The following PDS5A variants were observed in gnomAD, a reference collection of about 807,000 sequenced individuals.
PDS5A encodes the protein PDS5 cohesin associated factor A.
In PDS5A, 42 loss-of-function variants were observed where a neutral mutation model predicts 167.1. That is an observed-to-expected ratio of 0.25 (90% CI 0.20 to 0.33). The LOEUF is 0.33. Among genes scored for constraint, PDS5A ranks in the 10% least tolerant of loss-of-function variants. The pLI, the probability that PDS5A is intolerant of heterozygous loss-of-function variation, is 1.00. For synonymous variants in PDS5A, 553 were observed against 554.6 expected (o/e 1.00, Z 0.04); for missense variants, 1,033 against 1,605.9 (o/e 0.64, Z 6.10).
At chr4:39,920,257 T>C (rs925803337) in intron 7 of PDS5A, 62 bp downstream of exon 7, 4 of 722,122 alleles carry the variant, frequency 5.5e-6, no homozygotes, top group East Asian at 2.9e-5. Flanking sequence ...GAGGTTCTAA[T>C]AAATTAATAC....
intron 30 of PDS5A, among the ~76,000 whole-genome samples, chr4:39,842,939 T>TA (rs1560419736): frequency 3.1e-5 from 1 of 31,826 alleles, no homozygotes. Flanking sequence ...ATATATATAT[T>TA]TTAAGAGACA....
chr4:39,898,848 A>G (rs1560465155), intron 14 of PDS5A, 23 bp from the exon 15 acceptor site: 1 of 1,532,090 alleles, frequency 6.5e-7, no homozygotes, highest in Non-Finnish European at 8.9e-7. Context: ...ACAGAAACAA[A>G]AGAACAACTA....
At chr4:39,968,651 C>T (rs1443464256) in intron 2 of PDS5A, among the ~76,000 whole-genome samples, 4 of 148,592 alleles carry the variant, frequency 2.7e-5, no homozygotes, top group East Asian at 2.0e-4. Context: ...AGGCTGGTCT[C>T]GAACTCCCGA....
At chr4:39,825,731 GCTAGAA>G (rs1354756263) in intron 32 of PDS5A, among the ~76,000 whole-genome samples, 4 of 151,992 alleles carry the variant, frequency 2.6e-5, no homozygotes, top group Non-Finnish European at 1.5e-5. Flanking sequence ...CTCCCAAATA[GCTAGAA>G]CTATAGGCGC....
At chr4:39,939,153 T>C (rs182516564) in intron 2 of PDS5A, among the ~76,000 whole-genome samples, 2 of 152,188 alleles carry the variant, frequency 1.3e-5, no homozygotes, top group Non-Finnish European at 2.9e-5. Flanking sequence ...GGCTTGAGCC[T>C]AGATCAAGGC....
At position 39,895,288 on chromosome 4, in the gene PDS5A, G is replaced by T. The variant is rs752794164; in HGVS notation, c.1770+3101C>A. 2.6e-5 allele frequency among the ~76,000 whole-genome samples: 4 copies of T among 151,594 alleles called. No homozygotes were observed. The East Asian group carries it at 7.7e-4, about 29-fold the overall frequency. Reference sequence around the variant, plus strand: ...AGAGTGCACGCACACAAACCTAAATGGTATAGCGTACTACTTCTATGCTAC... The same window carrying T: ...AGAGTGCACGCACACAAACCTAAATTGTATAGCGTACTACTTCTATGCTAC... On this transcript the variant is annotated intron_variant, in intron 16 of 32. Transcript: ENST00000303538.
At chr4:39,905,519 C>T (rs146590674) in intron 11 of PDS5A, among the ~76,000 whole-genome samples, 2,557 of 152,228 alleles carry the variant, frequency 0.017, 76 homozygotes, top group African/African-American at 0.058. Context: ...GATTGCGCCA[C>T]TGCACTCCAG....
At chr4:39,934,644 A>G (rs1256636192) in intron 2 of PDS5A, among the ~76,000 whole-genome samples, 1 of 147,022 alleles carries the variant, frequency 6.8e-6, no homozygotes, top group Admixed American at 6.8e-5. Context: ...AGAAATGAGC[A>G]GGAAAAAATC....
chr4:39,899,849 A>AT (rs1198942199), intron 14 of PDS5A, among the ~76,000 whole-genome samples: 25 of 99,928 alleles, frequency 2.5e-4, no homozygotes, highest in African/African-American at 7.7e-4. Flanking sequence ...GATCCTGTGT[A>AT]TTAAAAAAAA....
chr4:39,911,835 T>TAAA (rs35068853), intron 9 of PDS5A, among the ~76,000 whole-genome samples: 1 of 125,290 alleles, frequency 8.0e-6, no homozygotes. Context: ...CCGTCTCAAT[T>TAAA]AAAAAAAAAA....
At chr4:39,965,968 T>A (rs1473669893) in intron 2 of PDS5A, among the ~76,000 whole-genome samples, 1 of 152,162 alleles carries the variant, frequency 6.6e-6, no homozygotes, top group Non-Finnish European at 1.5e-5. Context: ...ATAATGAAAA[T>A]TTTAAAATAC....
chr4:39,934,632 T>A (rs1242697189), intron 2 of PDS5A, among the ~76,000 whole-genome samples: 1 of 145,942 alleles, frequency 6.9e-6, no homozygotes, highest in Non-Finnish European at 1.5e-5. Context: ...TTTTTTTTTT[T>A]AAGAAATGAG....
chr4:39,914,244 C>G (rs1363188124), intron 8 of PDS5A, among the ~76,000 whole-genome samples: 1 of 150,496 alleles, frequency 6.6e-6, no homozygotes, highest in Admixed American at 6.7e-5. Context: ...TCACTGCAAC[C>G]TCTGCCTCCC....
Position 39,849,661 on chromosome 4 carries a change from A to G in PDS5A, c.3087-9T>C. On this transcript the variant is annotated splice_polypyrimidine_tract_variant and intron_variant, in intron 26 of 32. Coordinates refer to ENST00000303538, the MANE Select transcript of PDS5A (RefSeq NM_001100399.2). Reference sequence around the variant, plus strand: ...GCATGAACCATAGGCACCTAAATGTAAACATATTAAAGAGACTAGACGTAG... The same window carrying G: ...GCATGAACCATAGGCACCTAAATGTGAACATATTAAAGAGACTAGACGTAG... The G allele has an allele frequency of 6.2e-7, 1 of 1,600,084 alleles. No individual in the cohort carries two copies. Among genetic ancestry groups the G allele is most frequent in the Non-Finnish European group, 8.6e-7 (1 of 1,168,394 alleles).
intron 20 of PDS5A, among the ~76,000 whole-genome samples, chr4:39,873,719 A>G (rs917950378): frequency 3.9e-5 from 6 of 152,230 alleles, no homozygotes; most frequent in African/African-American, 1.4e-4. Flanking sequence ...CACTGAACCA[A>G]TAAGGCTAAA....
chr4:39,944,373 T>C (rs1166655904), intron 2 of PDS5A, among the ~76,000 whole-genome samples: 1 of 151,714 alleles, frequency 6.6e-6, no homozygotes, highest in African/African-American at 2.4e-5. Flanking sequence ...ATTCATAAGG[T>C]CCTAAAACAT....
At chr4:39,937,365 A>G (rs1578780997) in intron 2 of PDS5A, among the ~76,000 whole-genome samples, 2 of 152,258 alleles carry the variant, frequency 1.3e-5, no homozygotes, top group Middle Eastern at 6.8e-3. Flanking sequence ...ATATGTCCAA[A>G]TTATTGTTCA....
intron 2 of PDS5A, among the ~76,000 whole-genome samples, chr4:39,930,531 T>C (rs1725965975): frequency 6.6e-6 from 1 of 152,122 alleles, no homozygotes; most frequent in Non-Finnish European, 1.5e-5. Flanking sequence ...CAAGTTTGCA[T>C]TGCTAAAATA....
In PDS5A at chr4:39,851,484, T is replaced by G. The variant is rs1266885850; in HGVS notation, c.3087-1832A>C. On this transcript the variant is annotated intron_variant, in intron 26 of 32. Coordinates refer to ENST00000303538, the MANE Select transcript of PDS5A (RefSeq NM_001100399.2). The stretch of plus-strand genomic sequence containing the variant: ...TGGCTGATTTTTATAGAGCTGGGGT[T>G]TCGCCAGGTTGCCGACTGGTCTTGA... 2.0e-5 allele frequency among the ~76,000 whole-genome samples: 3 copies of G among 152,220 alleles called. No individual in the cohort carries two copies. The East Asian group carries it at 5.8e-4, about 29-fold the overall frequency.
Sources: allele counts gnomAD v4.1 joint callset (sites outside exome capture counted in the v4.1 genomes callset), GRCh38; gene constraint gnomAD v4.1.1; transcripts MANE v1.5; gene names NCBI Gene and HGNC (gene_info 2026-07-23, HGNC 2026-07-21).